The following SNX25 variants were observed in gnomAD, a reference collection of about 807,000 sequenced individuals.
The protein encoded by SNX25 is sorting nexin-25.
In SNX25, 62 loss-of-function variants were observed where a neutral mutation model predicts 113.7. The observed-to-expected ratio is 0.55, with a 90% CI of 0.44 to 0.67. The LOEUF (loss-of-function observed/expected upper bound fraction) is 0.67. Among genes scored for constraint, SNX25 ranks in the 30% least tolerant of loss-of-function variants. SNX25 has a pLI of 0.00. For synonymous variants in SNX25, 421 were observed against 436.2 expected (o/e 0.97, Z 0.43); for missense variants, 1,014 against 1,161.0 (o/e 0.87, Z 1.84).
chr4:185,223,296 C>A (rs529103336), intron 1 of SNX25, among the ~76,000 whole-genome samples: 7 of 152,204 alleles, frequency 4.6e-5, no homozygotes, highest in African/African-American at 1.7e-4. Context: ...CCCTTCTATC[C>A]TTTTATTTTC....
chr4:185,319,130 T>G (rs1396092350), intron 7 of SNX25, among the ~76,000 whole-genome samples: 2 of 149,032 alleles, frequency 1.3e-5, no homozygotes, highest in African/African-American at 4.9e-5. Flanking sequence ...CATATCATAT[T>G]TATTCATACA....
At chr4:185,208,571 T>C (rs140948870), upstream of SNX25, among the ~76,000 whole-genome samples, 467 of 151,710 alleles carry the variant, frequency 3.1e-3, 3 homozygotes, top group South Asian at 0.018. Flanking sequence ...CTACTAAAAA[T>C]ACAAAAATTT....
At chr4:185,297,553 G>C (rs1330878238) in intron 6 of SNX25, among the ~76,000 whole-genome samples, 1 of 152,180 alleles carries the variant, frequency 6.6e-6, no homozygotes, top group East Asian at 1.9e-4. Flanking sequence ...ATCATCATCT[G>C]TCTCAGTCAA....
intron 10 of SNX25, among the ~76,000 whole-genome samples, chr4:185,335,864 A>T (rs1340921114): frequency 6.6e-6 from 1 of 152,192 alleles, no homozygotes; most frequent in Non-Finnish European, 1.5e-5. Flanking sequence ...TGGTTATGGA[A>T]TTAAAACAGA....
chr4:185,256,034 T>A (rs953072068), intron 2 of SNX25, among the ~76,000 whole-genome samples: 1 of 152,150 alleles, frequency 6.6e-6, no homozygotes, highest in Non-Finnish European at 1.5e-5. Context: ...TATCTGAAAA[T>A]GAGCAGAACG....
rs4862519 is a variant in SNX25, at chr4:185,324,403, C to T, written c.1749+603C>T. Among the ~76,000 whole-genome samples, 15 of 152,252 alleles carry T rather than the reference C, an allele frequency of 9.9e-5. 1 individual carries two copies. Among genetic ancestry groups the T allele is most frequent in the African/African-American group, 3.1e-4 (13 of 41,544 alleles). ...AATAAACCTGAGAGGGGCTTCTGGC[C>T]GATTTCAGTCAGGAGCACTCTCTCT... On this transcript the variant is annotated intron_variant, in intron 9 of 18. Coordinates refer to ENST00000652585, the MANE Select transcript of SNX25 (RefSeq NM_001378034.2).
chr4:185,319,464 G>C (rs554419296), intron 7 of SNX25, among the ~76,000 whole-genome samples: 547 of 150,052 alleles, frequency 3.6e-3, no homozygotes, highest in African/African-American at 0.012. Flanking sequence ...CTGCCACAGT[G>C]CTGGGATTAC....
chr4:185,324,124 A>C (rs1209398949), intron 9 of SNX25, among the ~76,000 whole-genome samples: 1 of 152,146 alleles, frequency 6.6e-6, no homozygotes, highest in Non-Finnish European at 1.5e-5. Flanking sequence ...ACTCCTGAAA[A>C]GTGAGGGCAG....
At chr4:185,249,299 A>C (rs1252121235) in intron 2 of SNX25, among the ~76,000 whole-genome samples, 2 of 152,148 alleles carry the variant, frequency 1.3e-5, no homozygotes, top group Admixed American at 1.3e-4. Flanking sequence ...ATTACCACCA[A>C]CATTTGCTGT....
At chr4:185,291,722 G>A (rs755824313) in intron 6 of SNX25, among the ~76,000 whole-genome samples, 3 of 152,140 alleles carry the variant, frequency 2.0e-5, no homozygotes, top group South Asian at 2.1e-4. Flanking sequence ...CAGTTGTCAC[G>A]TGATATTCTT....
At chr4:185,256,302 C>A (rs1239896299) in intron 2 of SNX25, among the ~76,000 whole-genome samples, 2 of 152,138 alleles carry the variant, frequency 1.3e-5, no homozygotes, top group Non-Finnish European at 2.9e-5. Context: ...TTTATCTAAA[C>A]CTTTGTGTCA....
At chr4:185,224,527 ACATATATATAAATATATATAC>A (rs1560905045) in intron 1 of SNX25, among the ~76,000 whole-genome samples, 3 of 103,458 alleles carry the variant, frequency 2.9e-5, no homozygotes, top group Non-Finnish European at 6.5e-5. Flanking sequence ...AAATATATAT[ACATATATATAAATATATATAC>A]ATATATATAA....
At chr4:185,212,491 G>GTGTGTGTGTTTTTGTTTTTT (rs546083196) in intron 1 of SNX25, among the ~76,000 whole-genome samples, 1 of 104,944 alleles carries the variant, frequency 9.5e-6, no homozygotes, top group African/African-American at 3.7e-5. Flanking sequence ...GTGTGTGTGT[G>GTGTGTGTGTTTTTGTTTTTT]TTTTTTTTTT....
chr4:185,321,624 T>C (rs550423601), intron 8 of SNX25, among the ~76,000 whole-genome samples: 15 of 152,194 alleles, frequency 9.9e-5, no homozygotes, highest in Non-Finnish European at 2.1e-4. Context: ...ACATACATCT[T>C]ACAGTGAAGA....
chr4:185,356,118 A>G (rs1226889917), intron 15 of SNX25, among the ~76,000 whole-genome samples: 1 of 152,096 alleles, frequency 6.6e-6, no homozygotes, highest in Non-Finnish European at 1.5e-5. Flanking sequence ...GGCTTTGAGC[A>G]AACAAGCCTT....
At chr4:185,286,093 GTTTGTTTTGT>G (rs368483904) in intron 5 of SNX25, among the ~76,000 whole-genome samples, 14 of 151,214 alleles carry the variant, frequency 9.3e-5, no homozygotes, top group African/African-American at 2.2e-4. Context: ...CTGTTTTGGG[GTTTGTTTTGT>G]TTTGTTTTGT....
At chr4:185,371,535 C>T (rs1477525575), downstream of SNX25, among the ~76,000 whole-genome samples, 1 of 96,724 alleles carries the variant, frequency 1.0e-5, no homozygotes, top group Non-Finnish European at 2.1e-5. Flanking sequence ...GAGCGAGACT[C>T]CGTCTAAAAA....
chr4:185,342,238 C>A, intron 12 of SNX25, 122 bp downstream of exon 12: 1 of 1,175,858 alleles, frequency 8.5e-7, no homozygotes, highest in Non-Finnish European at 1.1e-6. Flanking sequence ...GTGGCATTTT[C>A]ATCCTGACAT....
chr4:185,342,156 A>G (rs1035946719), intron 12 of SNX25, 40 bp downstream of exon 12: 2 of 1,485,302 alleles, frequency 1.3e-6, no homozygotes, highest in South Asian at 2.9e-5. Flanking sequence ...GAATTACTGC[A>G]CAAGAGCTCA....
Sources: allele counts gnomAD v4.1 joint callset (sites outside exome capture counted in the v4.1 genomes callset), GRCh38; gene constraint gnomAD v4.1.1; transcripts MANE v1.5; gene names NCBI Gene and HGNC (gene_info 2026-07-23, HGNC 2026-07-21).